The following GMDS variants were observed in gnomAD, a reference collection of about 807,000 sequenced individuals.
The protein encoded by GMDS is GDP-mannose 4,6 dehydratase.
GMDS carries 20 observed loss-of-function variants against 49.9 expected under a neutral mutation model. That is an observed-to-expected ratio of 0.40 (90% confidence interval 0.28 to 0.58). The LOEUF is 0.58. Among genes scored for constraint, GMDS ranks in the 20% least tolerant of loss-of-function variants. GMDS has a pLI of 0.42. For synonymous variants in GMDS, 177 were observed against 178.6 expected (o/e 0.99, Z 0.07); for missense variants, 362 against 481.4 (o/e 0.75, Z 2.32).
At chr6:1,652,191 G>A (rs1244970654) in intron 9 of GMDS, among the ~76,000 whole-genome samples, 1 of 148,550 alleles carries the variant, frequency 6.7e-6, no homozygotes, top group Non-Finnish European at 1.5e-5. Flanking sequence ...GGCCAACATG[G>A]TGAAACCCTG....
rs182771932 is a variant in GMDS, at chr6:1,982,802, C to A, written c.346-21836G>T. Among the ~76,000 whole-genome samples the A allele has an allele frequency of 5.3e-3, 799 of 152,146 alleles. 6 individuals carry two copies. Among genetic ancestry groups the A allele is most frequent in the African/African-American group, 0.019 (775 of 41,494 alleles). On this transcript the variant is annotated intron_variant, in intron 4 of 10. Transcript: ENST00000380815. ...ATATCATGAAAATGGCCACATTGCC[C>A]AAAGCAATTTATATATTCAATGCTA...
chr6:1,955,758 T>C (rs1259765761), intron 6 of GMDS, among the ~76,000 whole-genome samples: 1 of 146,776 alleles, frequency 6.8e-6, no homozygotes, highest in Non-Finnish European at 1.5e-5. Flanking sequence ...AATAAATAAA[T>C]GAAGTCTTCA....
chr6:2,087,054 G>A (rs1018816167), intron 4 of GMDS, among the ~76,000 whole-genome samples: 7 of 152,146 alleles, frequency 4.6e-5, no homozygotes, highest in Non-Finnish European at 1.0e-4. Context: ...TGTAATTTAT[G>A]AGGATATGAG....
At chr6:1,736,946 G>A (rs1767020630) in intron 8 of GMDS, among the ~76,000 whole-genome samples, 1 of 152,174 alleles carries the variant, frequency 6.6e-6, no homozygotes, top group South Asian at 2.1e-4. Context: ...CCTGGAACCT[G>A]CTGCCAGGCC....
intron 7 of GMDS, among the ~76,000 whole-genome samples, chr6:1,904,875 T>C (rs1015278582): frequency 1.3e-5 from 2 of 152,176 alleles, no homozygotes; most frequent in African/African-American, 4.8e-5. Flanking sequence ...CAGTGTCACA[T>C]GGTTGACAAA....
intron 9 of GMDS, among the ~76,000 whole-genome samples, chr6:1,710,665 C>A (rs1015357088): frequency 6.6e-6 from 1 of 152,212 alleles, no homozygotes; most frequent in Non-Finnish European, 1.5e-5. Flanking sequence ...ACTACCTAGG[C>A]ACAAAAATCT....
At chr6:1,756,930 A>C (rs188267082) in intron 7 of GMDS, among the ~76,000 whole-genome samples, 1 of 152,140 alleles carries the variant, frequency 6.6e-6, no homozygotes, top group Non-Finnish European at 1.5e-5. Context: ...CCCAAATTCA[A>C]ACAAAGGGGA....
intron 4 of GMDS, among the ~76,000 whole-genome samples, chr6:2,065,746 AG>A (rs1771537008): frequency 6.6e-6 from 1 of 152,154 alleles, no homozygotes; most frequent in Non-Finnish European, 1.5e-5. Flanking sequence ...AAACGAGCAA[AG>A]CCTCCAAGAA....
In GMDS at chr6:1,693,344, C is replaced by T. The variant is rs371761172; in HGVS notation, c.987+33072G>A. Among the ~76,000 whole-genome samples, 9 of 152,338 alleles carry T rather than the reference C, an allele frequency of 5.9e-5. No individual in the cohort carries two copies. In the East Asian group the frequency reaches 1.5e-3, roughly 26 times the overall value. On this transcript the variant is annotated intron_variant, in intron 9 of 10. Coordinates refer to ENST00000380815, the MANE Select transcript of GMDS (RefSeq NM_001500.4). ...TCTCTGGAGCAATCACTGCAATTCT[C>T]CTCACCTCTGCCCTGCGTTCTCTTA... is the stretch of plus-strand genomic sequence containing the variant.
intron 4 of GMDS, among the ~76,000 whole-genome samples, chr6:2,060,366 T>C (rs908009003): frequency 4.6e-5 from 7 of 152,246 alleles, no homozygotes; most frequent in Admixed American, 2.6e-4. Context: ...TGAATATTCA[T>C]ATTTTATTTT....
chr6:1,921,650 C>T (rs888723896), intron 7 of GMDS, among the ~76,000 whole-genome samples: 1 of 152,154 alleles, frequency 6.6e-6, no homozygotes, highest in Non-Finnish European at 1.5e-5. Flanking sequence ...TTCAAAGATG[C>T]AGGAAACTGT....
intron 4 of GMDS, among the ~76,000 whole-genome samples, chr6:2,024,936 T>C (rs1241754843): frequency 1.3e-5 from 2 of 152,158 alleles, no homozygotes; most frequent in East Asian, 1.9e-4. Context: ...AGAAAGTTGA[T>C]TTAGCATTAA....
At chr6:2,215,530 A>G (rs890665637) in intron 1 of GMDS, among the ~76,000 whole-genome samples, 17 of 107,422 alleles carry the variant, frequency 1.6e-4, no homozygotes, top group Non-Finnish European at 2.4e-4. Context: ...TCCTTCCCAC[A>G]ACACGTGGGA....
intron 9 of GMDS, among the ~76,000 whole-genome samples, chr6:1,687,875 G>A (rs1318414685): frequency 1.3e-5 from 2 of 152,120 alleles, no homozygotes; most frequent in African/African-American, 2.4e-5. Flanking sequence ...GTGAGGTTGG[G>A]GCGGGGCAGG....
At position 1,893,546 on chromosome 6, in the gene GMDS, G is replaced by T. The variant is rs1190009126; in HGVS notation, c.771+36557C>A. Among the ~76,000 whole-genome samples, 62 of 152,118 alleles carry T rather than the reference G, an allele frequency of 4.1e-4. 1 individual carries two copies. Among genetic ancestry groups the T allele is most frequent in the Non-Finnish European group, 4.4e-5 (3 of 68,034 alleles). ...TTCTCCATCCTCTTTTTCATTCTCA[G>T]TTGCCATTTTGAGCTTTCTTCACAA... On this transcript the variant is annotated intron_variant, in intron 7 of 10. Transcript: ENST00000380815.
chr6:1,638,400 C>T lies in GMDS; in HGVS notation c.988-13860G>A, dbSNP rs1020251885. 3.1e-4 allele frequency among the ~76,000 whole-genome samples: 47 copies of T among 152,172 alleles called. 1 individual carries two copies. Among genetic ancestry groups the T allele is most frequent in the African/African-American group, 1.1e-3 (47 of 41,444 alleles). ...AATTAACGTAGCTTTCTCGAAAACACTGATCAGCTCCTCGAGTGCCAGCAG... is the reference window on the plus strand; with the variant it reads ...AATTAACGTAGCTTTCTCGAAAACATTGATCAGCTCCTCGAGTGCCAGCAG... On this transcript the variant is annotated intron_variant, in intron 9 of 10. Coordinates refer to ENST00000380815, the MANE Select transcript of GMDS (RefSeq NM_001500.4).
intron 9 of GMDS, among the ~76,000 whole-genome samples, chr6:1,706,234 C>T (rs980287192): frequency 2.6e-5 from 4 of 152,126 alleles, no homozygotes; most frequent in East Asian, 3.9e-4. Context: ...GGCACCATCG[C>T]GGCACAGCTG....
At chr6:2,117,301 G>GGAAGGTTT (rs1774897477) in intron 3 of GMDS, among the ~76,000 whole-genome samples, 168 bp downstream of exon 3, 1 of 152,110 alleles carries the variant, frequency 6.6e-6, no homozygotes, top group African/African-American at 2.4e-5. Context: ...CAGTGAGCAG[G>GGAAGGTTT]GAAGGTTTTC....
At chr6:2,010,719 GA>G (rs554442532) in intron 4 of GMDS, among the ~76,000 whole-genome samples, 129 of 152,282 alleles carry the variant, frequency 8.5e-4, no homozygotes, top group African/African-American at 3.0e-3. Context: ...AAGTGATAAA[GA>G]TGTGGGTAAA....
Sources: allele counts gnomAD v4.1 joint callset (sites outside exome capture counted in the v4.1 genomes callset), GRCh38; gene constraint gnomAD v4.1.1; transcripts MANE v1.5; gene names NCBI Gene and HGNC (gene_info 2026-07-23, HGNC 2026-07-21).